The following HEATR3 variants were observed in gnomAD, a reference collection of about 807,000 sequenced individuals.
The protein encoded by HEATR3 is HEAT repeat-containing protein 3.
In HEATR3, 56 loss-of-function variants were observed where a neutral mutation model predicts 72.8. The observed-to-expected ratio is 0.77, with a 90% CI of 0.62 to 0.96. The LOEUF (loss-of-function observed/expected upper bound fraction) is 0.96, where lower values mean the gene tolerates loss of function less well. Ranked by LOEUF, HEATR3 falls within the 40% of genes least tolerant of loss-of-function variation. The probability of loss-of-function intolerance (pLI) is 0.00; values close to 1 mark genes in which losing one functional copy is unlikely to be tolerated. For missense variants in HEATR3, 747 were observed against 831.4 expected, an observed-to-expected ratio of 0.90 and a Z score of 1.25; for synonymous variants, 331 against 318.1, an observed-to-expected ratio of 1.04 and a Z score of -0.43.
intron 8 of HEATR3, 47 bp downstream of exon 8, chr16:50,084,074 G>A: frequency 1.2e-6 from 2 of 1,613,756 alleles, no homozygotes; most frequent in South Asian, 2.2e-5. Flanking sequence ...AGCCAAGAGG[G>A]AAACTCCCGT....
At position 50,066,507 on chromosome 16, in the gene HEATR3, G is replaced by C; in HGVS notation, c.279G>C (p.Leu93=). 7.6e-7 allele frequency: 1 copy of C among 1,318,524 alleles called. No individual in the cohort carries two copies. The highest frequency in any genetic ancestry group is 9.6e-7 in the Non-Finnish European group (1 of 1,039,328). 81.7% of individuals were successfully genotyped at this position (1,318,524 alleles called of 1,614,324 possible). The stretch of plus-strand genomic sequence containing the variant: ...GGCCGCTGCTGCTAGACCCCAGCCT[G>C]GCCGTCAGGGAGACTGCAGCCGGCG... ...RLGPLLLDPS[L]AVRETAAGAL... is the part of the protein sequence containing the mutation. The change falls in exon 2 of 15, where the codon CTG becomes CTC. Residue 93 remains leucine, a synonymous_variant. Coordinates refer to ENST00000299192, the MANE Select transcript of HEATR3 (RefSeq NM_182922.4).
Position 50,105,195 on chromosome 16 carries a change from A to G in HEATR3, c.*134A>G. The G allele has an allele frequency of 9.8e-7, 1 of 1,018,872 alleles. No individual in the cohort carries two copies. The highest frequency in any genetic ancestry group is 1.4e-6 in the Non-Finnish European group (1 of 703,928). The allele number at this position is 1,018,872 out of a possible 1,614,324, so 63.1% of individuals were successfully genotyped here. A position where few individuals can be genotyped will look rare whatever the true frequency, so the allele number is the denominator to read the frequency against. On this transcript the variant is annotated 3_prime_UTR_variant, in exon 15 of 15. Coordinates refer to ENST00000299192, the MANE Select transcript of HEATR3 (RefSeq NM_182922.4). ...ATTCTGTACATTCTGTAAAAACTTC[A>G]AAACCTGGCCAGGCATGGTGGCTCA...
intron 14 of HEATR3, among the ~76,000 whole-genome samples, chr16:50,103,255 A>T (rs1362703202): frequency 6.6e-6 from 1 of 152,222 alleles, no homozygotes; most frequent in Non-Finnish European, 1.5e-5. Context: ...CTGACTTCTG[A>T]AAGGTCTTTG....
At position 50,084,125 on chromosome 16, in the gene HEATR3, G is replaced by A. The variant is rs768203038; in HGVS notation, c.1133-9G>A. ...TATTCCAGTTCTGCGTGGTTTGCCC[G>A]CTTCCCAGATCCCTCTGATGACGAA... On this transcript the variant is annotated splice_polypyrimidine_tract_variant and intron_variant, in intron 8 of 14. Transcript: ENST00000299192. The A allele has an allele frequency of 6.8e-6, 11 of 1,614,076 alleles. No individual in the cohort carries two copies. The highest frequency in any genetic ancestry group is 2.2e-5 in the East Asian group (1 of 44,876).
chr16:50,075,218 G>T (rs1226487535), intron 5 of HEATR3, among the ~76,000 whole-genome samples: 1 of 151,144 alleles, frequency 6.6e-6, no homozygotes, highest in Non-Finnish European at 1.5e-5. Context: ...CTGAGAGACT[G>T]AGGCACAGGA....
At chr16:50,088,879 C>T (rs186842715) in intron 11 of HEATR3, among the ~76,000 whole-genome samples, 24 of 152,284 alleles carry the variant, frequency 1.6e-4, no homozygotes, top group African/African-American at 5.3e-4. Flanking sequence ...GCCCTGGTTC[C>T]ACAAGCTGCC....
chr16:50,093,366 A>G (rs1305099939), intron 11 of HEATR3, among the ~76,000 whole-genome samples: 1 of 152,188 alleles, frequency 6.6e-6, no homozygotes, highest in Admixed American at 6.5e-5. Flanking sequence ...TAGACAGGGC[A>G]CAGTGGAGAT....
chr16:50,066,656 T>A, intron 2 of HEATR3, 117 bp downstream of exon 2: 1 of 963,298 alleles, frequency 1.0e-6, no homozygotes, highest in Non-Finnish European at 1.4e-6. Flanking sequence ...TGGCCCGGTC[T>A]CCCGTTTGCA....
chr16:50,071,571 T>G (rs2036612085), intron 4 of HEATR3, among the ~76,000 whole-genome samples: 1 of 152,272 alleles, frequency 6.6e-6, no homozygotes. Context: ...TCTGTATCAC[T>G]GAGTTACTAT....
chr16:50,070,803 C>T (rs772816806), intron 4 of HEATR3, among the ~76,000 whole-genome samples: 3 of 152,238 alleles, frequency 2.0e-5, no homozygotes, highest in Middle Eastern at 3.4e-3. Flanking sequence ...TTTTGTTTTA[C>T]GGCTTTCCTC....
chr16:50,078,912 TA>T lies in HEATR3; in HGVS notation c.936del (p.Leu313Ter), dbSNP rs752898168. On this transcript the variant is annotated frameshift_variant, in exon 7 of 15. Coordinates refer to ENST00000299192, the MANE Select transcript of HEATR3 (RefSeq NM_182922.4). LOFTEE classifies it high-confidence loss of function. ...RLKTAAEAEE[I>X]LENTNGDDLI... ...AAAACTGCTGCAGAGGCTGAGGAAA[TA>T]TTAGAGAACACTAATGGGGATGATT... 6.2e-7 allele frequency: 1 copy of T among 1,614,080 alleles called. No homozygotes were observed.
chr16:50,077,326 A>AT (rs56156778), intron 6 of HEATR3, among the ~76,000 whole-genome samples: 119,218 of 149,426 alleles, frequency 0.8, 47,515 homozygotes, highest in Non-Finnish European at 0.83. Flanking sequence ...AATTTTTTGT[A>AT]TTTTTTTTTG....
chr16:50,093,144 T>TA, intron 11 of HEATR3, among the ~76,000 whole-genome samples: 1 of 152,124 alleles, frequency 6.6e-6, no homozygotes, highest in Non-Finnish European at 1.5e-5. Context: ...AGCCAAAAAA[T>TA]ACAATCAGCC....
At chr16:50,067,552 G>T (rs969964564) in intron 2 of HEATR3, among the ~76,000 whole-genome samples, 7 of 152,066 alleles carry the variant, frequency 4.6e-5, no homozygotes, top group African/African-American at 1.7e-4. Flanking sequence ...GCAGGGGTGG[G>T]TAATTACAGG....
In HEATR3 at chr16:50,070,219, GA is replaced by G; in HGVS notation, c.447del (p.Asp150IlefsTer10). The G allele has an allele frequency of 6.2e-7, 1 of 1,609,840 alleles. No individual in the cohort carries two copies. The highest frequency in any genetic ancestry group is 8.5e-7 in the Non-Finnish European group (1 of 1,177,158). Reference sequence around the variant, plus strand: ...ATTCAAATGAGATGTCTCTGCAGGAGAAAAAAGATCAGAACAGAAATTCTAT... The same window carrying G: ...ATTCAAATGAGATGTCTCTGCAGGAGAAAAAGATCAGAACAGAAATTCTAT... ...LDSNEMSLQE[K>X]KDQNRNSIEN... On this transcript the variant is annotated frameshift_variant, in exon 4 of 15. Transcript: ENST00000299192. LOFTEE classifies it high-confidence loss of function.
Position 50,066,470 on chromosome 16 carries a change from T to C in HEATR3, c.242T>C (p.Val81Ala). Residue 81 changes from valine to alanine, a missense_variant, in exon 2 of 15, where the codon GTG becomes GCG. Val to Ala is a moderately conservative substitution (Grantham distance 64). Coordinates refer to ENST00000299192, the MANE Select transcript of HEATR3 (RefSeq NM_182922.4). ...CCGGGCCTGGCGCGACGAGACGCCG[T>C]GCGCCGCCTCGGGCCGCTGCTGCTA... ...ALPGLARRDA[V>A]RRLGPLLLDP... 6 of 1,354,566 alleles carry C rather than the reference T, an allele frequency of 4.4e-6. No homozygotes were observed. Among genetic ancestry groups the C allele is most frequent in the Non-Finnish European group, 5.7e-6 (6 of 1,060,922 alleles). 83.9% of individuals were successfully genotyped at this position (1,354,566 alleles called of 1,614,324 possible). A position where few individuals can be genotyped will look rare whatever the true frequency, so the allele number is the denominator to read the frequency against.
intron 14 of HEATR3, among the ~76,000 whole-genome samples, chr16:50,103,784 G>A (rs2037419361): frequency 6.6e-6 from 1 of 152,184 alleles, no homozygotes; most frequent in African/African-American, 2.4e-5. Flanking sequence ...CCAGCACTTT[G>A]GGAGCCCCAG....
At chr16:50,099,561 C>A (rs1257614077) in intron 12 of HEATR3, among the ~76,000 whole-genome samples, 1 of 152,144 alleles carries the variant, frequency 6.6e-6, no homozygotes, top group African/African-American at 2.4e-5. Flanking sequence ...GCTCCAGATT[C>A]CAAGCCTTTC....
At chr16:50,085,219 CCAG>C (rs2036963350) in intron 10 of HEATR3, among the ~76,000 whole-genome samples, 1 of 152,076 alleles carries the variant, frequency 6.6e-6, no homozygotes, top group Admixed American at 6.6e-5. Flanking sequence ...CTTTCAGGGT[CCAG>C]CAGTGTTAAT....
Sources: allele counts gnomAD v4.1 joint callset (sites outside exome capture counted in the v4.1 genomes callset), GRCh38; gene constraint gnomAD v4.1.1; transcripts MANE v1.5; gene names NCBI Gene and HGNC (gene_info 2026-07-23, HGNC 2026-07-21).